Variants in ATP8B4 observed in about 807,000 individuals in gnomAD.
ATP8B4 encodes probable phospholipid-transporting ATPase IM.
ATP8B4 carries 133 observed loss-of-function variants against 145.6 expected under a neutral mutation model. That is an observed-to-expected ratio of 0.91 (90% CI 0.79 to 1.05). The LOEUF (loss-of-function observed/expected upper bound fraction) is 1.05. Among genes scored for constraint, ATP8B4 ranks in the 50% least tolerant of loss-of-function variants. The pLI, the probability that ATP8B4 is intolerant of heterozygous loss-of-function variation, is 0.00. For missense variants in ATP8B4, 1,458 were observed against 1,425.2 expected (o/e 1.02, Z -0.37); for synonymous variants, 507 against 492.9 (o/e 1.03, Z -0.38).
intron 23 of ATP8B4, among the ~76,000 whole-genome samples, chr15:49,885,183 C>T (rs771369975): frequency 1.5e-4 from 23 of 152,198 alleles, no homozygotes; most frequent in Non-Finnish European, 2.6e-4. Context: ...GCTGAGGCTT[C>T]GCTGATGGGC....
intron 3 of ATP8B4, among the ~76,000 whole-genome samples, chr15:50,053,944 T>C (rs1183386994): frequency 6.6e-6 from 1 of 152,234 alleles, no homozygotes; most frequent in African/African-American, 2.4e-5. Context: ...GGAGATTGCC[T>C]CAATTTTTCC....
intron 24 of ATP8B4, among the ~76,000 whole-genome samples, chr15:49,879,168 T>A (rs2034986053): frequency 6.6e-6 from 1 of 152,150 alleles, no homozygotes. Flanking sequence ...AGTAACCAAC[T>A]TTTATCAAAT....
At chr15:50,007,739 C>G (rs1357572797) in intron 7 of ATP8B4, among the ~76,000 whole-genome samples, 1 of 152,072 alleles carries the variant, frequency 6.6e-6, no homozygotes, top group Non-Finnish European at 1.5e-5. Flanking sequence ...TCTCTGAAGC[C>G]CCTGCCAGCT....
intron 23 of ATP8B4, among the ~76,000 whole-genome samples, chr15:49,885,645 T>C (rs555159477): frequency 6.6e-6 from 1 of 152,200 alleles, no homozygotes; most frequent in Non-Finnish European, 1.5e-5. Context: ...GATTCAAACT[T>C]AATATATCAA....
At chr15:50,152,363 G>A (rs1449174429) in intron 1 of ATP8B4, among the ~76,000 whole-genome samples, 2 of 152,012 alleles carry the variant, frequency 1.3e-5, no homozygotes, top group Admixed American at 1.3e-4. Context: ...CAACATAATA[G>A]TGACTGATTT....
At chr15:49,998,582 A>G (rs1437058114) in intron 8 of ATP8B4, among the ~76,000 whole-genome samples, 19 of 151,678 alleles carry the variant, frequency 1.3e-4, no homozygotes, top group African/African-American at 4.4e-4. Flanking sequence ...CTTTTTGATG[A>G]GGTTGTTTGT....
intron 14 of ATP8B4, among the ~76,000 whole-genome samples, chr15:49,940,575 A>C (rs915482722): frequency 6.6e-6 from 1 of 152,184 alleles, no homozygotes; most frequent in Admixed American, 6.5e-5. Flanking sequence ...AAAAAATTTT[A>C]ATCAACAAAC....
chr15:49,897,657 A>C, intron 22 of ATP8B4, 142 bp from the exon 23 acceptor site: 1 of 708,052 alleles, frequency 1.4e-6, no homozygotes. Context: ...TGAAACACTT[A>C]TGATAGATAT....
At chr15:49,980,922 A>T (rs1215393408) in intron 11 of ATP8B4, among the ~76,000 whole-genome samples, 3 of 152,226 alleles carry the variant, frequency 2.0e-5, no homozygotes, top group Admixed American at 1.3e-4. Context: ...TGCCTTAAAA[A>T]CTATGTTTGG....
intron 23 of ATP8B4, chr15:49,880,356 G>C (rs965220628): frequency 6.6e-6 from 1 of 152,190 alleles, no homozygotes; most frequent in African/African-American, 2.4e-5. Context: ...TATACTGCAA[G>C]TAGGCCCCAT....
chr15:49,862,810 A>G (rs28565343), intron 26 of ATP8B4, among the ~76,000 whole-genome samples: 1,791 of 152,264 alleles, frequency 0.012, 37 homozygotes, highest in African/African-American at 0.041. Context: ...TGATGATAAG[A>G]AGGCAGAAGT....
At chr15:49,965,505 C>T (rs2044448836) in intron 13 of ATP8B4, among the ~76,000 whole-genome samples, 2 of 152,138 alleles carry the variant, frequency 1.3e-5, no homozygotes, top group Non-Finnish European at 2.9e-5. Flanking sequence ...GAACAATCTG[C>T]AAAACGGCCA....
intron 6 of ATP8B4, among the ~76,000 whole-genome samples, chr15:50,014,719 A>C (rs905106300): frequency 6.6e-6 from 1 of 152,180 alleles, no homozygotes; most frequent in African/African-American, 2.4e-5. Context: ...TTATATTTTA[A>C]TTTGCTACAT....
chr15:50,169,270 G>A (rs1210534899), intron 1 of ATP8B4, among the ~76,000 whole-genome samples: 1 of 151,224 alleles, frequency 6.6e-6, no homozygotes, highest in Non-Finnish European at 1.5e-5. Flanking sequence ...GACACTCATG[G>A]AGTCCATTGC....
chr15:49,980,445 CAA>C (rs2046056609), intron 11 of ATP8B4, among the ~76,000 whole-genome samples: 1 of 151,920 alleles, frequency 6.6e-6, no homozygotes, highest in Admixed American at 6.6e-5. Context: ...CAGTATTACA[CAA>C]AGACTAGATA....
chr15:50,161,093 T>C (rs1387775222), intron 1 of ATP8B4, among the ~76,000 whole-genome samples: 1 of 152,142 alleles, frequency 6.6e-6, no homozygotes, highest in Admixed American at 6.5e-5. Context: ...TATATCCTCT[T>C]TCTGAATTGA....
At chr15:50,007,726 A>T (rs1441232528) in intron 7 of ATP8B4, among the ~76,000 whole-genome samples, 1 of 152,138 alleles carries the variant, frequency 6.6e-6, no homozygotes, top group East Asian at 1.9e-4. Context: ...CCCGAATATA[A>T]GCTCTCTGAA....
intron 13 of ATP8B4, among the ~76,000 whole-genome samples, 172 bp from the exon 14 acceptor site, chr15:49,962,192 G>A (rs894485333): frequency 6.6e-6 from 1 of 152,164 alleles, no homozygotes; most frequent in South Asian, 2.1e-4. Context: ...CATAAACATG[G>A]CAATTATGCA....
rs1360377223 is a variant in ATP8B4, at chr15:50,005,447, C to T, written c.436-3224G>A. Among the ~76,000 whole-genome samples, 3 of 152,284 alleles carry T rather than the reference C, an allele frequency of 2.0e-5. 1 individual carries two copies. The highest frequency in any genetic ancestry group is 2.0e-4 in the Admixed American group (3 of 15,298). The stretch of plus-strand genomic sequence containing the variant: ...ATAAAACCCTCTCTCATAATTGTGT[C>T]GTTTTACTCTCTTCACAACCCTGTG... On this transcript the variant is annotated intron_variant, in intron 7 of 27. Transcript: ENST00000284509.
Sources: allele counts gnomAD v4.1 joint callset (sites outside exome capture counted in the v4.1 genomes callset), GRCh38; gene constraint gnomAD v4.1.1; transcripts MANE v1.5; gene names NCBI Gene and HGNC (gene_info 2026-07-23, HGNC 2026-07-21).